The following WDR20 variants were observed in gnomAD, a reference collection of about 807,000 sequenced individuals.
WDR20 encodes WD repeat-containing protein 20.
A neutral mutation model predicts 38.7 loss-of-function variants in WDR20; 3 were observed. That is an observed-to-expected ratio of 0.08 (90% confidence interval 0.04 to 0.20). The LOEUF (loss-of-function observed/expected upper bound fraction) is 0.20, where lower values mean the gene tolerates loss of function less well. Among genes scored for constraint, WDR20 ranks in the 10% least tolerant of loss-of-function variants. WDR20 has a pLI of 1.00. For synonymous variants in WDR20, 298 were observed against 285.6 expected (o/e 1.04, Z -0.44); for missense variants, 559 against 727.7 (o/e 0.77, Z 2.67).
At position 102,208,903 on chromosome 14, in the gene WDR20, C is replaced by T. The variant is rs143498132; in HGVS notation, c.733C>T (p.Arg245Trp). 1.9e-6 allele frequency: 3 copies of T among 1,614,116 alleles called. No individual in the cohort carries two copies. In the East Asian group the frequency reaches 6.7e-5, roughly 36 times the overall value. ...GTGCGTGAGCCAGGACGGGTTTCTG[C>T]GGGTGTTCAACTTTGACTCAGTGGA... is the stretch of plus-strand genomic sequence containing the variant. Reference protein sequence around the residue: ...LACVSQDGFLRVFNFDSVELH... With the variant: ...LACVSQDGFLWVFNFDSVELH... Residue 245 changes from arginine (R) to tryptophan (W), a missense_variant, in exon 3 of 3, where the codon CGG becomes TGG. Physicochemically the swap from Arg to Trp is moderately radical, Grantham distance 101. Transcript: ENST00000342702. The surrounding 1 kb of genome is among the most constrained non-coding windows in gnomAD (Gnocchi z 5.6).
chr14:102,219,378 C>T (rs765063004), downstream of WDR20, among the ~76,000 whole-genome samples: 12 of 152,230 alleles, frequency 7.9e-5, no homozygotes, highest in Non-Finnish European at 1.5e-4. Context: ...CGCCGAGGCC[C>T]CTTCCCTGCC....
chr14:102,201,981 A>T (rs955405707), intron 2 of WDR20, among the ~76,000 whole-genome samples: 2 of 151,896 alleles, frequency 1.3e-5, no homozygotes, highest in Admixed American at 1.3e-4. Context: ...GCTTCCCACC[A>T]GAGCCTTCCT....
chr14:102,181,030 A>G (rs2063259057), intron 1 of WDR20, among the ~76,000 whole-genome samples: 1 of 152,202 alleles, frequency 6.6e-6, no homozygotes, highest in African/African-American at 2.4e-5. Flanking sequence ...ATCAGGACAC[A>G]TTCAGCTTGA....
chr14:102,209,973 A>G lies in WDR20; in HGVS notation c.*93A>G. 1.3e-6 allele frequency: 2 copies of G among 1,491,560 alleles called. No individual in the cohort carries two copies. The highest frequency in any genetic ancestry group is 1.8e-6 in the Non-Finnish European group (2 of 1,129,424). The allele number at this position is 1,491,560 out of a possible 1,614,324, so 92.4% of individuals were successfully genotyped here. On this transcript the variant is annotated 3_prime_UTR_variant, in exon 3 of 3. Transcript: ENST00000342702. The surrounding 1 kb of genome is among the most constrained non-coding windows in gnomAD (Gnocchi z 6.0). The stretch of plus-strand genomic sequence containing the variant: ...ACAATGAATGTGAATGACACTTCTT[A>G]TTCTTAATGTAAATCTCAATGCATC...
intron 2 of WDR20, among the ~76,000 whole-genome samples, chr14:102,206,636 GGACAGCAGTC>G (rs1333254064): frequency 6.6e-6 from 1 of 152,212 alleles, no homozygotes; most frequent in African/African-American, 2.4e-5. Flanking sequence ...ACCAAAATCA[GGACAGCAGTC>G]TGGCTTCCCA....
At chr14:102,165,671 C>G (rs1190575) in intron 1 of WDR20, among the ~76,000 whole-genome samples, 95,964 of 142,986 alleles carry the variant, frequency 0.67, 35,163 homozygotes, top group East Asian at 0.92. Context: ...GGGTCTCACT[C>G]TGTTGCTCAG....
downstream of WDR20, chr14:102,213,466 A>G (rs2062812073): frequency 1.0e-6 from 1 of 985,346 alleles, no homozygotes; most frequent in Non-Finnish European, 1.2e-6. Context: ...GACTGAGGGT[A>G]AATGCCTTAA....
rs1035256459 is a variant in WDR20 at position 102,142,979 on chromosome 14, TGGAGTA to T, written c.249+2810_249+2815del. Among the ~76,000 whole-genome samples the T allele has an allele frequency of 3.3e-4, 50 of 151,996 alleles. 1 individual carries two copies. Among genetic ancestry groups the T allele is most frequent in the African/African-American group, 1.2e-3 (48 of 41,456 alleles). On this transcript the variant is annotated intron_variant, in intron 1 of 2. Transcript: ENST00000342702. Reference sequence around the variant, plus strand: ...GAGGAAACATGGGGTCCTGGGGAAATGGAGTAGGTGAGGAAGTAGTCTAACGTTCAT... The same window carrying T: ...GAGGAAACATGGGGTCCTGGGGAAATGGTGAGGAAGTAGTCTAACGTTCAT...
chr14:102,185,404 A>G (rs1048254751), intron 1 of WDR20, among the ~76,000 whole-genome samples: 1 of 152,184 alleles, frequency 6.6e-6, no homozygotes, highest in Non-Finnish European at 1.5e-5. Flanking sequence ...CAAGAAGCCT[A>G]GGAACATGGA....
chr14:102,200,457 A>ATT (rs746438768), intron 2 of WDR20, among the ~76,000 whole-genome samples: 17,785 of 109,358 alleles, frequency 0.16, 1,473 homozygotes, highest in Admixed American at 0.2. Context: ...TACTTTTTAA[A>ATT]TTTTTTTTTT....
At chr14:102,166,156 C>T (rs1051782464) in intron 1 of WDR20, among the ~76,000 whole-genome samples, 27 of 149,364 alleles carry the variant, frequency 1.8e-4, no homozygotes, top group Admixed American at 1.5e-3. Flanking sequence ...TGTACCACCA[C>T]GCCTGGCAGA....
At chr14:102,141,465 T>G (rs1260857458) in intron 1 of WDR20, among the ~76,000 whole-genome samples, 2 of 152,192 alleles carry the variant, frequency 1.3e-5, no homozygotes, top group African/African-American at 4.8e-5. Context: ...CTGTTGGAAG[T>G]TATTAAGGGT....
In WDR20 at chr14:102,156,500, G is replaced by T. The variant is rs181573684; in HGVS notation, c.249+16328G>T. 7.2e-4 allele frequency among the ~76,000 whole-genome samples: 109 copies of T among 152,068 alleles called. 1 individual carries two copies. Among genetic ancestry groups the T allele is most frequent in the African/African-American group, 2.3e-3 (96 of 41,462 alleles). ...ATCTTGTTATTCAATATGTAATTAA[G>T]AAATTTTTGAAAAGTTATAGTTATT... On this transcript the variant is annotated intron_variant, in intron 1 of 2. Transcript: ENST00000342702.
At chr14:102,211,282 A>C (rs1183557977), downstream of WDR20, among the ~76,000 whole-genome samples, 1 of 152,228 alleles carries the variant, frequency 6.6e-6, no homozygotes, top group African/African-American at 2.4e-5. This position sits in a 1 kb window ranked among gnomAD's most constrained non-coding sequence, Gnocchi z 4.2. Context: ...TGCGTAGTGA[A>C]TATGATTCAG....
intron 1 of WDR20, among the ~76,000 whole-genome samples, chr14:102,190,884 C>G (rs1335149643): frequency 6.6e-6 from 1 of 151,880 alleles, no homozygotes; most frequent in Non-Finnish European, 1.5e-5. Flanking sequence ...GCCTGTAATC[C>G]CAGCTGCTGA....
At chr14:102,213,718 G>A, downstream of WDR20, 1 of 985,348 alleles carries the variant, frequency 1.0e-6, no homozygotes, top group Non-Finnish European at 1.2e-6. Flanking sequence ...ATAATAAATT[G>A]TAAAGTATGA....
chr14:102,140,300 T>A, intron 1 of WDR20, 128 bp downstream of exon 1: 1 of 1,407,446 alleles, frequency 7.1e-7, no homozygotes, highest in Non-Finnish European at 9.5e-7. Flanking sequence ...GGCCGGTAAC[T>A]CCACTGGGGT....
chr14:102,205,170 A>G (rs1644921793), intron 2 of WDR20, among the ~76,000 whole-genome samples: 1 of 151,954 alleles, frequency 6.6e-6, no homozygotes, highest in Non-Finnish European at 1.5e-5. Context: ...CTGAGGTGGG[A>G]GGATTGCTTC....
downstream of WDR20, among the ~76,000 whole-genome samples, chr14:102,216,229 C>T (rs1315292981): frequency 6.6e-6 from 1 of 152,222 alleles, no homozygotes; most frequent in African/African-American, 2.4e-5. Flanking sequence ...AACATTCAGA[C>T]CTACAGCTCT....
Sources: gnomAD v4.1 joint callset for allele counts (sites outside exome capture counted in the v4.1 genomes callset) on GRCh38, gnomAD v4.1.1 for gene constraint, Gnocchi (gnomAD v3.1) non-coding constraint, MANE v1.5 for transcripts, NCBI Gene and HGNC (gene_info 2026-07-23, HGNC 2026-07-21) for gene names.